PRKCB: variants seen among roughly 807,000 people sequenced by gnomAD.
PRKCB encodes protein kinase C beta.
PRKCB carries 13 observed loss-of-function variants against 81.5 expected under a neutral mutation model. That is an observed-to-expected ratio of 0.16 (90% CI 0.10 to 0.25). The LOEUF is 0.25. Among genes scored for constraint, PRKCB ranks in the 10% least tolerant of loss-of-function variants. PRKCB has a pLI of 1.00. For missense variants in PRKCB, 509 were observed against 875.7 expected (o/e 0.58, Z 5.29); for synonymous variants, 335 against 321.4 (o/e 1.04, Z -0.45).
chr16:23,855,528 A>G lies in PRKCB; in HGVS notation c.205+18122A>G, dbSNP rs757864074. 1.1e-4 allele frequency among the ~76,000 whole-genome samples: 16 copies of G among 152,202 alleles called. 1 individual carries two copies. The highest frequency in any genetic ancestry group is 7.2e-4 in the Admixed American group (11 of 15,284). ...TATAGAAAAAAATATAAGTTCTTAA[A>G]TGTGCCCTTGTAAAAATGTCCTAAA... On this transcript the variant is annotated intron_variant, in intron 2 of 16. Coordinates refer to ENST00000643927, the MANE Select transcript of PRKCB (RefSeq NM_002738.7).
intron 9 of PRKCB, among the ~76,000 whole-genome samples, chr16:24,142,381 A>C (rs1966913783): frequency 6.6e-6 from 1 of 152,202 alleles, no homozygotes. Context: ...GCTTCGGTGC[A>C]CCAAGCTGCA....
intron 5 of PRKCB, among the ~76,000 whole-genome samples, chr16:24,068,385 A>G (rs1377154132): frequency 1.3e-5 from 2 of 151,942 alleles, no homozygotes; most frequent in Non-Finnish European, 2.9e-5. Context: ...ATAAGCTTCA[A>G]GCTCTGGTGG....
intron 3 of PRKCB, among the ~76,000 whole-genome samples, chr16:24,010,781 G>T (rs1965193194): frequency 6.6e-6 from 1 of 152,182 alleles, no homozygotes; most frequent in African/African-American, 2.4e-5. Flanking sequence ...AGTGCCTGCT[G>T]CTGCCAGTGA....
intron 10 of PRKCB, among the ~76,000 whole-genome samples, chr16:24,170,064 G>A (rs909044200): frequency 3.3e-5 from 5 of 152,148 alleles, no homozygotes; most frequent in Admixed American, 1.3e-4. Context: ...TTACAGGCAC[G>A]AGCCGCTGTG....
At chr16:24,009,435 T>G (rs970264526) in intron 3 of PRKCB, among the ~76,000 whole-genome samples, 11 of 151,586 alleles carry the variant, frequency 7.3e-5, no homozygotes, top group Non-Finnish European at 1.5e-4. Flanking sequence ...TATTTTTTTT[T>G]TTTTTTTGAG....
At chr16:24,170,255 T>C (rs1023253036) in intron 10 of PRKCB, among the ~76,000 whole-genome samples, 3 of 152,080 alleles carry the variant, frequency 2.0e-5, no homozygotes, top group African/African-American at 7.2e-5. Context: ...AAATTTGTTT[T>C]TACTTGAATA....
intron 8 of PRKCB, among the ~76,000 whole-genome samples, chr16:24,120,448 G>A (rs1323684690): frequency 1.3e-5 from 2 of 152,196 alleles, no homozygotes; most frequent in African/African-American, 4.8e-5. Flanking sequence ...AATAAACCTT[G>A]AAGTTTTAAG....
At position 23,947,969 on chromosome 16, in the gene PRKCB, C is replaced by T. The variant is rs568005259; in HGVS notation, c.206-40539C>T. ...TTAATGCACAACTCAGAAACCCACTCGCCCAACCTCCCTTGCAGCTAGAGC... is the reference window on the plus strand; with the variant it reads ...TTAATGCACAACTCAGAAACCCACTTGCCCAACCTCCCTTGCAGCTAGAGC... On this transcript the variant is annotated intron_variant, in intron 2 of 16. Coordinates refer to ENST00000643927, the MANE Select transcript of PRKCB (RefSeq NM_002738.7). 2.6e-5 allele frequency among the ~76,000 whole-genome samples: 4 copies of T among 151,366 alleles called. No homozygotes were observed. The East Asian group carries it at 5.8e-4, about 22-fold the overall frequency.
chr16:24,192,660 G>C (rs984128018), intron 16 of PRKCB, among the ~76,000 whole-genome samples: 5 of 152,204 alleles, frequency 3.3e-5, no homozygotes. Context: ...TCATGTTATA[G>C]CTGTAGTGCA....
chr16:24,174,653 C>A, intron 12 of PRKCB, 73 bp downstream of exon 12: 4 of 1,362,520 alleles, frequency 2.9e-6, no homozygotes, highest in Non-Finnish European at 4.1e-6. Flanking sequence ...CTTTCTTCAG[C>A]TGCTTTTAAA....
chr16:24,154,643 A>T (rs771422439), intron 9 of PRKCB, 41 bp from the exon 10 acceptor site: 1 of 1,605,816 alleles, frequency 6.2e-7, no homozygotes, highest in South Asian at 1.1e-5. Flanking sequence ...TGGCCCCCAG[A>T]CTCCTTCCAA....
intron 7 of PRKCB, among the ~76,000 whole-genome samples, chr16:24,101,413 C>T (rs1393350431): frequency 6.6e-6 from 1 of 152,152 alleles, no homozygotes; most frequent in East Asian, 1.9e-4. Context: ...GCGGCATGCA[C>T]CTGTGCTCCC....
At chr16:24,094,661 G>A (rs7201945) in intron 7 of PRKCB, among the ~76,000 whole-genome samples, 61 of 152,064 alleles carry the variant, frequency 4.0e-4, no homozygotes, top group African/African-American at 1.4e-3. Context: ...CAGCTACTCA[G>A]GAGGCTGAGA....
chr16:24,079,006 T>TG (rs1426731364), intron 5 of PRKCB, among the ~76,000 whole-genome samples: 2 of 152,216 alleles, frequency 1.3e-5, no homozygotes, highest in African/African-American at 4.8e-5. Flanking sequence ...TCATATCCCC[T>TG]GTGACCTGCA....
rs774439671 is a variant in PRKCB at position 24,035,416 on chromosome 16, C to T, written c.401-3C>T. On this transcript the variant is annotated splice_polypyrimidine_tract_variant and splice_region_variant and intron_variant, in intron 4 of 16. Transcript: ENST00000643927. ...GCCACATCCCCTCTCTCTGCCCTCA[C>T]AGCCTGCATGATGAATGTGCACAAG... is the stretch of plus-strand genomic sequence containing the variant. 6.2e-7 allele frequency: 1 copy of T among 1,613,548 alleles called. No homozygotes were observed. Among genetic ancestry groups the T allele is most frequent in the Non-Finnish European group, 8.5e-7 (1 of 1,179,698 alleles).
At chr16:24,126,396 T>G (rs1966844326) in intron 9 of PRKCB, among the ~76,000 whole-genome samples, 1 of 152,158 alleles carries the variant, frequency 6.6e-6, no homozygotes, top group South Asian at 2.1e-4. Flanking sequence ...ATGAGCACTT[T>G]TTTTTTCTTT....
At chr16:24,008,930 C>T (rs9924324) in intron 3 of PRKCB, among the ~76,000 whole-genome samples, 45,242 of 151,868 alleles carry the variant, frequency 0.3, 6,876 homozygotes, top group South Asian at 0.36. Flanking sequence ...TGTTACTTTA[C>T]GTAAGTGGAA....
intron 2 of PRKCB, among the ~76,000 whole-genome samples, chr16:23,967,834 G>T (rs1471402570): frequency 1.3e-5 from 2 of 152,164 alleles, no homozygotes; most frequent in Non-Finnish European, 2.9e-5. Flanking sequence ...TGTATGTTTA[G>T]TAGAGACAGG....
At chr16:23,969,950 C>A (rs1359312514) in intron 2 of PRKCB, among the ~76,000 whole-genome samples, 2 of 152,170 alleles carry the variant, frequency 1.3e-5, no homozygotes, top group Non-Finnish European at 2.9e-5. Context: ...GCTTGCCTGT[C>A]ATCCCACTAC....
Sources: allele counts gnomAD v4.1 joint callset (sites outside exome capture counted in the v4.1 genomes callset), GRCh38; gene constraint gnomAD v4.1.1; transcripts MANE v1.5; gene names NCBI Gene and HGNC (gene_info 2026-07-23, HGNC 2026-07-21).